Variants in CHLSN observed in about 807,000 individuals in gnomAD.
The protein encoded by CHLSN is protein cholesin.
chr7:1,001,622 G>T, the CHLSN span, among the ~76,000 whole-genome samples: 2 of 132,900 alleles, frequency 1.5e-5, no homozygotes, highest in Admixed American at 7.3e-5. Flanking sequence ...TGCCGGTGGG[G>T]AGTCCTGCGG....
At chr7:1,047,181 C>T in the CHLSN span, among the ~76,000 whole-genome samples, 2 of 152,248 alleles carry the variant, frequency 1.3e-5, no homozygotes, top group African/African-American at 2.4e-5. Context: ...AGGGAACTGG[C>T]GCCCATAGCT....
chr7:992,663 A>C, the CHLSN span, among the ~76,000 whole-genome samples: 2 of 152,196 alleles, frequency 1.3e-5, no homozygotes, highest in African/African-American at 2.4e-5. Flanking sequence ...AGAGGCTGGA[A>C]GCCGGCCTCA....
At chr7:994,856 T>C in the CHLSN span, among the ~76,000 whole-genome samples, 19 of 152,378 alleles carry the variant, frequency 1.2e-4, no homozygotes, top group African/African-American at 4.6e-4. Flanking sequence ...CCATCGCTTA[T>C]GGCCTTGGAC....
At chr7:979,618 G>T in the CHLSN span, among the ~76,000 whole-genome samples, 2 of 152,038 alleles carry the variant, frequency 1.3e-5, no homozygotes, top group African/African-American at 4.8e-5. Context: ...CGGGCGTGGT[G>T]GTGAGTGCCT....
the CHLSN span, among the ~76,000 whole-genome samples, chr7:1,135,349 A>C: frequency 1.7e-4 from 26 of 152,110 alleles, no homozygotes; most frequent in Admixed American, 6.6e-4. Context: ...ATGTATATAC[A>C]TATAGTTATA....
the CHLSN span, among the ~76,000 whole-genome samples, chr7:1,032,677 C>T: frequency 2.6e-5 from 4 of 152,162 alleles, no homozygotes; most frequent in Non-Finnish European, 4.4e-5. Context: ...TGCAGCCACC[C>T]GCCCACACCG....
chr7:984,180 C>T, the CHLSN span, among the ~76,000 whole-genome samples: 8 of 152,324 alleles, frequency 5.3e-5, no homozygotes, highest in South Asian at 1.7e-3. Context: ...AAAAGAAAAT[C>T]CCACAACAGC....
At chr7:978,020 A>G in the CHLSN span, among the ~76,000 whole-genome samples, 7 of 152,244 alleles carry the variant, frequency 4.6e-5, no homozygotes, top group Admixed American at 4.6e-4. Context: ...ACTTGACTGC[A>G]GCAGCCGCTT....
At chr7:1,136,357 AAC>A in the CHLSN span, among the ~76,000 whole-genome samples, 1 of 76,732 alleles carries the variant, frequency 1.3e-5, no homozygotes, top group Non-Finnish European at 2.2e-5. Context: ...AATATATATA[AAC>A]ATATATATAA....
chr7:1,017,792 C>T, the CHLSN span, among the ~76,000 whole-genome samples: 1 of 152,228 alleles, frequency 6.6e-6, no homozygotes, highest in Non-Finnish European at 1.5e-5. Context: ...TAAGGGGCTT[C>T]TCTGCCCCCG....
the CHLSN span, among the ~76,000 whole-genome samples, chr7:1,082,811 G>A: frequency 6.6e-5 from 10 of 152,236 alleles, no homozygotes; most frequent in South Asian, 4.1e-4. Context: ...AAGATCCAGC[G>A]CCCGCAGAGA....
At chr7:1,004,041 G>A in the CHLSN span, among the ~76,000 whole-genome samples, 2 of 151,880 alleles carry the variant, frequency 1.3e-5, no homozygotes, top group Non-Finnish European at 2.9e-5. Flanking sequence ...TCCTGCGGGT[G>A]TGGAGCCCAG....
the CHLSN span, among the ~76,000 whole-genome samples, chr7:1,012,920 G>A: frequency 1.3e-5 from 2 of 152,258 alleles, no homozygotes; most frequent in Non-Finnish European, 2.9e-5. Context: ...CTGTGACCAC[G>A]ACGTGAGCGA....
At chr7:1,015,749 G>A in the CHLSN span, among the ~76,000 whole-genome samples, 3 of 152,172 alleles carry the variant, frequency 2.0e-5, no homozygotes, top group Admixed American at 6.5e-5. Flanking sequence ...CCCAGCCCTC[G>A]TGGAGGCACC....
the CHLSN span, among the ~76,000 whole-genome samples, chr7:995,711 G>C: frequency 1.3e-5 from 2 of 152,276 alleles, no homozygotes; most frequent in East Asian, 3.8e-4. Flanking sequence ...CAGATCTGAA[G>C]GTTCGTGCTG....
chr7:988,267 GC>G, the CHLSN span: 7,415 of 1,566,800 alleles, frequency 4.7e-3, 613 homozygotes, highest in Admixed American at 0.12. Flanking sequence ...TGCCCCGGCT[GC>G]CCCCACAGGG....
At chr7:1,089,837 C>G in the CHLSN span, among the ~76,000 whole-genome samples, 1 of 151,660 alleles carries the variant, frequency 6.6e-6, no homozygotes, top group East Asian at 1.9e-4. Context: ...AATCCCAGCA[C>G]CGTGGGAGGC....
the CHLSN span, among the ~76,000 whole-genome samples, chr7:1,041,828 C>A: frequency 6.6e-6 from 1 of 152,102 alleles, no homozygotes; most frequent in African/African-American, 2.4e-5. Flanking sequence ...CACGTGCAGA[C>A]AGACCCAGGC....
the CHLSN span, chr7:1,127,258 T>C: frequency 1.3e-6 from 2 of 1,596,838 alleles, no homozygotes; most frequent in Non-Finnish European, 1.7e-6. Context: ...CGGCCTTACC[T>C]TGGAGCCGGC....
Sources: gnomAD v4.1 joint callset for allele counts (sites outside exome capture counted in the v4.1 genomes callset) on GRCh38, gnomAD v4.1.1 for gene constraint, MANE v1.5 for transcripts, NCBI Gene and HGNC (gene_info 2026-07-23, HGNC 2026-07-21) for gene names.